Variants in COPG2 observed in about 807,000 individuals in gnomAD.
COPG2 encodes the protein coatomer subunit gamma-2.
In COPG2, 37 loss-of-function variants were observed where a neutral mutation model predicts 46.3. The ratio of observed to expected loss-of-function variants is 0.80; its 90% CI spans 0.61 to 1.05. The LOEUF (loss-of-function observed/expected upper bound fraction) is 1.05, where lower values mean the gene tolerates loss of function less well. Ranked by LOEUF, COPG2 falls within the 50% of genes least tolerant of loss-of-function variation. COPG2 has a pLI of 0.00. For missense variants in COPG2, 427 were observed against 387.8 expected, an observed-to-expected ratio of 1.10 and a Z score of -0.85; for synonymous variants, 159 against 129.7, an observed-to-expected ratio of 1.23 and a Z score of -1.53.
Position 130,612,082 on chromosome 7 carries a change from C to G in COPG2, c.579+70G>C, listed in dbSNP as rs1794859334. 1.1e-4 allele frequency: 122 copies of G among 1,073,486 alleles called. 2 individuals are homozygous for G. In the South Asian group the frequency reaches 1.6e-3, roughly 14 times the overall value. 66.5% of individuals were successfully genotyped at this position (1,073,486 alleles called of 1,614,324 possible). A position where few individuals can be genotyped will look rare whatever the true frequency, so the allele number is the denominator to read the frequency against. ...TTAATGTTTATCTAGGGAATCGATACACTGCCCCTACAATACAGGTTTAAA... is the reference window on the plus strand; with the variant it reads ...TTAATGTTTATCTAGGGAATCGATAGACTGCCCCTACAATACAGGTTTAAA... On this transcript the variant is annotated intron_variant, in intron 8 of 23. Coordinates refer to ENST00000425248, the MANE Select transcript of COPG2 (RefSeq NM_012133.6).
rs1793577634 is a variant in COPG2, at chr7:130,554,097, T to C, written c.1468+384A>G. 7.2e-5 allele frequency among the ~76,000 whole-genome samples: 11 copies of C among 152,266 alleles called. No individual in the cohort carries two copies. The South Asian group carries it at 1.5e-3, about 20-fold the overall frequency. Reference sequence around the variant, plus strand: ...GAGTCAGTAGCTAGTGAAAAGCTCATAGACAGTTTACATCTTTAATGGGAG... The same window carrying C: ...GAGTCAGTAGCTAGTGAAAAGCTCACAGACAGTTTACATCTTTAATGGGAG... On this transcript the variant is annotated intron_variant, in intron 14 of 23. Transcript: ENST00000425248.
intron 20 of COPG2, among the ~76,000 whole-genome samples, chr7:130,543,709 A>G (rs1793381147): frequency 6.6e-6 from 1 of 152,220 alleles, no homozygotes; most frequent in Admixed American, 6.5e-5. Context: ...CCAATAGAGC[A>G]GGGTTTTGTT....
intron 6 of COPG2, among the ~76,000 whole-genome samples, chr7:130,614,346 A>G (rs1343276193): frequency 6.6e-6 from 1 of 152,214 alleles, no homozygotes; most frequent in Non-Finnish European, 1.5e-5. Flanking sequence ...AGTGCACCAA[A>G]AAATATTAAA....
intron 5 of COPG2, among the ~76,000 whole-genome samples, chr7:130,649,535 A>C (rs10954274): frequency 0.92 from 139,689 of 152,200 alleles, 64,258 homozygotes; most frequent in Middle Eastern, 0.96. Flanking sequence ...TACAAGCCTG[A>C]TGAGCTTTCT....
At chr7:130,634,529 T>C (rs985335079) in intron 5 of COPG2, among the ~76,000 whole-genome samples, 23 of 152,198 alleles carry the variant, frequency 1.5e-4, no homozygotes, top group Non-Finnish European at 2.9e-5. Context: ...CTATTATTGA[T>C]ATATAGGAAT....
At chr7:130,605,631 C>A in intron 9 of COPG2, 1 of 466,536 alleles carries the variant, frequency 2.1e-6, no homozygotes, top group Non-Finnish European at 4.3e-6. Flanking sequence ...CCTCTAGAGG[C>A]ACAGACTAAC....
chr7:130,548,198 C>CTAA (rs1187712848), intron 19 of COPG2, among the ~76,000 whole-genome samples: 3 of 152,170 alleles, frequency 2.0e-5, no homozygotes, highest in Non-Finnish European at 4.4e-5. Context: ...TCACACATTT[C>CTAA]AGTTTTATGT....
intron 9 of COPG2, among the ~76,000 whole-genome samples, chr7:130,599,153 C>T (rs1794584860): frequency 6.6e-6 from 1 of 152,112 alleles, no homozygotes. Context: ...CCTCATCAAC[C>T]CTTAAGAATA....
intron 9 of COPG2, among the ~76,000 whole-genome samples, chr7:130,594,000 A>T (rs1794479682): frequency 6.6e-6 from 1 of 152,202 alleles, no homozygotes; most frequent in Admixed American, 6.5e-5. Flanking sequence ...GAGACAAGCT[A>T]GAGTATGGGA....
intron 9 of COPG2, among the ~76,000 whole-genome samples, chr7:130,584,713 C>G (rs1554447773): frequency 6.6e-6 from 1 of 151,782 alleles, no homozygotes; most frequent in African/African-American, 2.4e-5. Context: ...TTTACAATAG[C>G]TGCAAAAAAA....
chr7:130,546,603 A>G (rs1241205942), intron 20 of COPG2, among the ~76,000 whole-genome samples: 2 of 152,202 alleles, frequency 1.3e-5, no homozygotes, highest in Non-Finnish European at 2.9e-5. Flanking sequence ...GGATTCAGAC[A>G]CAGCAGTGGT....
rs369780153 is a variant in COPG2 at position 130,626,459 on chromosome 7, C to T, written c.324-9394G>A. Among the ~76,000 whole-genome samples, 73 of 148,430 alleles carry T rather than the reference C, an allele frequency of 4.9e-4. 3 individuals are homozygous for T. The South Asian group carries it at 0.014, about 29-fold the overall frequency. On this transcript the variant is annotated intron_variant, in intron 5 of 23. Coordinates refer to ENST00000425248, the MANE Select transcript of COPG2 (RefSeq NM_012133.6). The stretch of plus-strand genomic sequence containing the variant: ...AGAGACAGGATTTCACTTTGTTAGC[C>T]AGGCTGGTCTCGAACACCTGACCTC...
intron 20 of COPG2, among the ~76,000 whole-genome samples, chr7:130,523,310 G>C (rs1799741520): frequency 1.3e-5 from 2 of 151,830 alleles, no homozygotes; most frequent in South Asian, 4.2e-4. Flanking sequence ...TGAAGGGTGA[G>C]CAGTGTTCAG....
chr7:130,509,262 A>T, intron 20 of COPG2: 1 of 513,432 alleles, frequency 1.9e-6, no homozygotes. Context: ...GCAAGTGGGC[A>T]GTTGTATGTT....
At chr7:130,590,686 G>C (rs1794384345) in intron 9 of COPG2, among the ~76,000 whole-genome samples, 2 of 152,094 alleles carry the variant, frequency 1.3e-5, no homozygotes, top group South Asian at 4.2e-4. Flanking sequence ...ACCCCGTCTG[G>C]GAAGTGAGGA....
At position 130,668,670 on chromosome 7, in the gene COPG2, T is replaced by C. The variant is rs1287141734; in HGVS notation, c.-2A>G. ...CTTCTTGTCGAATTTTTTAATCATC[T>C]TGGACGACTTCCCAGCGCCCAGACC... On this transcript the variant is annotated 5_prime_UTR_variant, in exon 1 of 24. Transcript: ENST00000425248. 8 of 1,540,464 alleles carry C rather than the reference T, an allele frequency of 5.2e-6. No homozygotes were observed. Among genetic ancestry groups the C allele is most frequent in the East Asian group, 2.7e-5 (1 of 37,192 alleles).
At chr7:130,522,904 G>C (rs1034775900) in intron 20 of COPG2, among the ~76,000 whole-genome samples, 106 of 151,524 alleles carry the variant, frequency 7.0e-4, no homozygotes, top group Non-Finnish European at 7.2e-4. Context: ...GATCGCTTGA[G>C]GTCAGGAGTT....
intron 7 of COPG2, 76 bp from the exon 8 acceptor site, chr7:130,612,314 T>A: frequency 1.1e-6 from 1 of 913,608 alleles, no homozygotes; most frequent in South Asian, 1.8e-5. Flanking sequence ...TTAGTTTTCT[T>A]TGAAAATCAC....
intron 20 of COPG2, among the ~76,000 whole-genome samples, chr7:130,538,697 G>T (rs1276706992): frequency 1.3e-5 from 2 of 151,916 alleles, no homozygotes; most frequent in African/African-American, 4.8e-5. Context: ...GGAGGGGATG[G>T]ACTCATGTGT....
Sources: gnomAD v4.1 joint callset for allele counts (sites outside exome capture counted in the v4.1 genomes callset) on GRCh38, gnomAD v4.1.1 for gene constraint, MANE v1.5 for transcripts, NCBI Gene and HGNC (gene_info 2026-07-23, HGNC 2026-07-21) for gene names.